The following RAP1GDS1 variants were observed in gnomAD, a reference collection of about 807,000 sequenced individuals.
RAP1GDS1 encodes the protein Rap1 GTPase-GDP dissociation stimulator 1.
RAP1GDS1 carries 35 observed loss-of-function variants against 71.1 expected under a neutral mutation model. That is an observed-to-expected ratio of 0.49 (90% CI 0.38 to 0.65). The LOEUF (loss-of-function observed/expected upper bound fraction) is 0.65. RAP1GDS1 is among the 30% of genes least tolerant of loss of function. The pLI is 0.00. For missense variants in RAP1GDS1, 663 were observed against 706.1 expected (o/e 0.94, Z 0.69); for synonymous variants, 229 against 243.1 (o/e 0.94, Z 0.54).
intron 7 of RAP1GDS1, among the ~76,000 whole-genome samples, chr4:98,416,343 T>G (rs1198354893): frequency 5.8e-5 from 7 of 121,026 alleles, no homozygotes; most frequent in Middle Eastern, 3.8e-3. Context: ...AGTTTTTTTT[T>G]TTTTTTTTTT....
intron 2 of RAP1GDS1, among the ~76,000 whole-genome samples, chr4:98,331,061 C>T (rs1164369670): frequency 2.0e-5 from 3 of 152,164 alleles, no homozygotes; most frequent in Non-Finnish European, 4.4e-5. Context: ...CTCGGGAGGC[C>T]AAGGCGGGCA....
At chr4:98,428,466 A>G (rs1483769707) in intron 12 of RAP1GDS1, among the ~76,000 whole-genome samples, 1 of 152,214 alleles carries the variant, frequency 6.6e-6, no homozygotes, top group Non-Finnish European at 1.5e-5. Context: ...ACAGAGGACT[A>G]ATATCCAGAA....
At chr4:98,388,725 C>CAA (rs1743148977) in intron 5 of RAP1GDS1, among the ~76,000 whole-genome samples, 3 of 151,946 alleles carry the variant, frequency 2.0e-5, no homozygotes, top group African/African-American at 4.8e-5. Flanking sequence ...GACTTCGTCT[C>CAA]AAAAATTTTT....
intron 2 of RAP1GDS1, among the ~76,000 whole-genome samples, chr4:98,342,297 C>G (rs1735601075): frequency 6.6e-6 from 1 of 152,136 alleles, no homozygotes; most frequent in Non-Finnish European, 1.5e-5. Context: ...CATAGAGGAG[C>G]TACATATAGA....
chr4:98,364,921 C>T (rs1036427121), intron 4 of RAP1GDS1, among the ~76,000 whole-genome samples: 1 of 151,714 alleles, frequency 6.6e-6, no homozygotes, highest in African/African-American at 2.4e-5. Context: ...CCCAGCTACT[C>T]CAGAGGCTGA....
intron 2 of RAP1GDS1, among the ~76,000 whole-genome samples, chr4:98,301,760 G>A (rs966158456): frequency 1.3e-5 from 2 of 152,066 alleles, no homozygotes; most frequent in Admixed American, 1.3e-4. Context: ...TTCTAACATT[G>A]GCTACTTAAA....
At position 98,417,891 on chromosome 4, in the gene RAP1GDS1, T is replaced by C. The variant is rs75753492; in HGVS notation, c.1039+393T>C. On this transcript the variant is annotated intron_variant, in intron 9 of 14. Transcript: ENST00000408927. Reference sequence around the variant, plus strand: ...CTTTTATGCCCATAAAACTTAAGTATGAATAATCCCCTGGCATCGTGTAGA... The same window carrying C: ...CTTTTATGCCCATAAAACTTAAGTACGAATAATCCCCTGGCATCGTGTAGA... Among the ~76,000 whole-genome samples, 1,390 of 152,262 alleles carry C rather than the reference T, an allele frequency of 9.1e-3. 23 individuals are homozygous for C. Among genetic ancestry groups the C allele is most frequent in the African/African-American group, 0.032 (1,320 of 41,560 alleles).
chr4:98,400,004 T>C (rs536667301), intron 6 of RAP1GDS1, among the ~76,000 whole-genome samples: 15 of 152,064 alleles, frequency 9.9e-5, no homozygotes, highest in Admixed American at 8.5e-4. Context: ...AATTTAAAAA[T>C]TAGCCTGGCA....
chr4:98,302,212 A>G (rs1026832630), intron 2 of RAP1GDS1, among the ~76,000 whole-genome samples: 2 of 152,246 alleles, frequency 1.3e-5, no homozygotes, highest in Non-Finnish European at 2.9e-5. Context: ...AAATATTCTT[A>G]AATAAGCCTT....
At chr4:98,327,551 ACT>A (rs1443199420) in intron 2 of RAP1GDS1, among the ~76,000 whole-genome samples, 1 of 151,698 alleles carries the variant, frequency 6.6e-6, no homozygotes, top group African/African-American at 2.4e-5. Context: ...GCCTTTCCTG[ACT>A]CTGTTTGTTA....
chr4:98,364,741 T>C (rs1415270582), intron 4 of RAP1GDS1, among the ~76,000 whole-genome samples: 3 of 151,010 alleles, frequency 2.0e-5, no homozygotes, highest in African/African-American at 7.3e-5. Context: ...AAGTATGATG[T>C]GAGGGCTGGG....
chr4:98,314,046 G>A (rs1380377447), intron 2 of RAP1GDS1, among the ~76,000 whole-genome samples: 2 of 151,988 alleles, frequency 1.3e-5, no homozygotes, highest in Non-Finnish European at 2.9e-5. Flanking sequence ...CTTTTCCATG[G>A]TTAAGTGTTA....
intron 5 of RAP1GDS1, among the ~76,000 whole-genome samples, chr4:98,391,026 G>A (rs549290319): frequency 1.3e-5 from 2 of 152,164 alleles, no homozygotes; most frequent in South Asian, 4.1e-4. Context: ...CTGTATCATT[G>A]GATGAACCAG....
chr4:98,268,958 T>C (rs1235756886), intron 1 of RAP1GDS1, among the ~76,000 whole-genome samples: 2 of 151,922 alleles, frequency 1.3e-5, no homozygotes, highest in Non-Finnish European at 2.9e-5. Flanking sequence ...AAAACAATTC[T>C]AAAATTTGTA....
In RAP1GDS1 at chr4:98,308,335, G is replaced by A. The variant is rs1302432086; in HGVS notation, c.112+14820G>A. On this transcript the variant is annotated intron_variant, in intron 2 of 14. Transcript: ENST00000408927. ...TATATATATATATATATATATATGCGCCAGGCATGGTGGTGTGTCTCTCTA... is the reference window on the plus strand; with the variant it reads ...TATATATATATATATATATATATGCACCAGGCATGGTGGTGTGTCTCTCTA... Among the ~76,000 whole-genome samples the A allele has an allele frequency of 2.0e-4, 11 of 55,270 alleles. No homozygotes were observed. In the East Asian group the frequency reaches 2.4e-3, roughly 12 times the overall value. 36.3% of individuals were successfully genotyped at this position (55,270 alleles called of 152,430 possible). A position where few individuals can be genotyped will look rare whatever the true frequency, so the allele number is the denominator to read the frequency against.
At chr4:98,301,419 G>A (rs955983248) in intron 2 of RAP1GDS1, among the ~76,000 whole-genome samples, 1 of 152,122 alleles carries the variant, frequency 6.6e-6, no homozygotes, top group Non-Finnish European at 1.5e-5. Flanking sequence ...GGATGGTGGT[G>A]GCCTCCTAAA....
Position 98,374,747 on chromosome 4 carries a change from G to A in RAP1GDS1, c.362-4270G>A, listed in dbSNP as rs146024410. ...CTTCAAATTCCTTTAGTAGTCGGCC[G>A]TTCTTACTTTATGCTTAGAGTATGG... On this transcript the variant is annotated intron_variant, in intron 4 of 14. Coordinates refer to ENST00000408927, the MANE Select transcript of RAP1GDS1 (RefSeq NM_001100427.2). 3.6e-3 allele frequency among the ~76,000 whole-genome samples: 541 copies of A among 152,196 alleles called. 3 individuals are homozygous for A. The highest frequency in any genetic ancestry group is 0.012 in the African/African-American group (507 of 41,526).
At chr4:98,300,563 CT>C (rs1360918218) in intron 2 of RAP1GDS1, among the ~76,000 whole-genome samples, 3 of 152,010 alleles carry the variant, frequency 2.0e-5, no homozygotes, top group African/African-American at 7.2e-5. Context: ...CCACACCCAG[CT>C]AATTTTTTGT....
At chr4:98,412,313 G>A (rs1747192541) in intron 7 of RAP1GDS1, among the ~76,000 whole-genome samples, 2 of 152,142 alleles carry the variant, frequency 1.3e-5, no homozygotes, top group Non-Finnish European at 2.9e-5. Flanking sequence ...ATGAGTTCAA[G>A]ACCAGCCTAG....
Sources: gnomAD v4.1 joint callset for allele counts (sites outside exome capture counted in the v4.1 genomes callset) on GRCh38, gnomAD v4.1.1 for gene constraint, MANE v1.5 for transcripts, NCBI Gene and HGNC (gene_info 2026-07-23, HGNC 2026-07-21) for gene names.